The following SBF2 variants were observed in gnomAD, a reference collection of about 807,000 sequenced individuals.
The protein encoded by SBF2 is SET binding factor 2.
In SBF2, 112 loss-of-function variants were observed where a neutral mutation model predicts 225.2. That is an observed-to-expected ratio of 0.50 (90% confidence interval 0.43 to 0.58). SBF2 has a LOEUF of 0.58. SBF2 is among the 20% of genes least tolerant of loss of function. The pLI, the probability that SBF2 is intolerant of heterozygous loss-of-function variation, is 0.00. For missense variants in SBF2, 1,996 were observed against 2,206.2 expected, an observed-to-expected ratio of 0.90 and a Z score of 1.91; for synonymous variants, 763 against 773.3, an observed-to-expected ratio of 0.99 and a Z score of 0.22.
intron 1 of SBF2, among the ~76,000 whole-genome samples, chr11:10,216,291 T>C (rs1958126492): frequency 6.6e-6 from 1 of 152,364 alleles, no homozygotes; most frequent in South Asian, 2.1e-4. Flanking sequence ...ATCTAAATCA[T>C]TTAGAAACTT....
intron 16 of SBF2, among the ~76,000 whole-genome samples, chr11:9,933,449 A>C (rs755643562): frequency 9.2e-5 from 14 of 152,194 alleles, no homozygotes; most frequent in Non-Finnish European, 2.1e-4. Flanking sequence ...CAGAAATCAC[A>C]ACAAACTGTG....
At chr11:9,902,389 GACCT>G (rs1303759601) in intron 16 of SBF2, among the ~76,000 whole-genome samples, 2 of 151,994 alleles carry the variant, frequency 1.3e-5, no homozygotes, top group African/African-American at 2.4e-5. Context: ...ATCCACCTAT[GACCT>G]GTAAGCCACC....
intron 16 of SBF2, among the ~76,000 whole-genome samples, chr11:9,908,270 G>A (rs1364542966): frequency 6.6e-6 from 1 of 152,152 alleles, no homozygotes; most frequent in Non-Finnish European, 1.5e-5. Flanking sequence ...ACAAAATATA[G>A]AGGATGAAGT....
intron 1 of SBF2, among the ~76,000 whole-genome samples, chr11:10,253,118 C>CAAAAAAAAAAAAAAAAAAAAA (rs546522229): frequency 3.9e-5 from 3 of 77,252 alleles, no homozygotes; most frequent in East Asian, 4.0e-4. Context: ...AGGTAAATAC[C>CAAAAAAAAAAAAAAAAAAAAA]AAAAAAAAAA....
At chr11:10,053,770 AT>A (rs1228561241) in intron 2 of SBF2, among the ~76,000 whole-genome samples, 2 of 151,718 alleles carry the variant, frequency 1.3e-5, no homozygotes, top group Admixed American at 6.6e-5. Context: ...AAAAAAAAAA[AT>A]TAACCAAGAG....
intron 2 of SBF2, among the ~76,000 whole-genome samples, chr11:10,129,745 A>G (rs1322293722): frequency 6.6e-6 from 1 of 152,168 alleles, no homozygotes; most frequent in Non-Finnish European, 1.5e-5. Flanking sequence ...ATAAAAAGGC[A>G]GTAATCGTAG....
Position 10,288,056 on chromosome 11 carries a change from C to T in SBF2, c.55+5959G>A, listed in dbSNP as rs545711130. Among the ~76,000 whole-genome samples the T allele has an allele frequency of 5.2e-4, 79 of 152,298 alleles. No individual in the cohort carries two copies. In the South Asian group the frequency reaches 0.016, roughly 30 times the overall value. ...CGGCCGGCACCGGGGAATGTAGTGG[C>T]ACTCAGAAGCTTGAAGATGCCAGGA... On this transcript the variant is annotated intron_variant, in intron 1 of 39. Coordinates refer to ENST00000256190, the MANE Select transcript of SBF2 (RefSeq NM_030962.4).
chr11:9,957,991 T>C (rs1866293341), intron 16 of SBF2: 1 of 151,838 alleles, frequency 6.6e-6, no homozygotes, highest in African/African-American at 2.4e-5. Flanking sequence ...AATCCCTACT[T>C]TTGTAGAAAG....
chr11:9,924,500 C>T (rs1463860660), intron 16 of SBF2, among the ~76,000 whole-genome samples: 1 of 152,020 alleles, frequency 6.6e-6, no homozygotes, highest in Non-Finnish European at 1.5e-5. Context: ...GGCGTGATCT[C>T]CGCTCACGGC....
intron 2 of SBF2, among the ~76,000 whole-genome samples, chr11:10,127,492 C>G (rs1313286419): frequency 6.6e-6 from 1 of 151,984 alleles, no homozygotes; most frequent in Non-Finnish European, 1.5e-5. Context: ...CTCCACAGTC[C>G]ACCTCCCCAT....
chr11:9,798,747 C>A (rs892407527), intron 32 of SBF2, among the ~76,000 whole-genome samples: 1 of 152,098 alleles, frequency 6.6e-6, no homozygotes, highest in Non-Finnish European at 1.5e-5. Flanking sequence ...GAGATTGAGA[C>A]CATCCTGGTT....
upstream of SBF2, among the ~76,000 whole-genome samples, chr11:10,295,551 G>T (rs1444278572): frequency 3.3e-5 from 5 of 151,680 alleles, no homozygotes; most frequent in Non-Finnish European, 7.4e-5. Flanking sequence ...TTGCAAACGT[G>T]GAGGGAAGAT....
intron 1 of SBF2, among the ~76,000 whole-genome samples, chr11:10,273,374 C>G (rs2135542393): frequency 6.6e-6 from 1 of 151,870 alleles, no homozygotes; most frequent in South Asian, 2.1e-4. Context: ...TTCATGCTTA[C>G]TAAGTAATAA....
At chr11:9,929,327 A>G (rs1864306513) in intron 16 of SBF2, 1 of 176,144 alleles carries the variant, frequency 5.7e-6, no homozygotes, top group Admixed American at 6.0e-5. Context: ...ACTCTATGCA[A>G]CAAGGAAACA....
At chr11:10,023,867 C>CT (rs1340522627) in intron 6 of SBF2, among the ~76,000 whole-genome samples, 9 of 151,216 alleles carry the variant, frequency 6.0e-5, no homozygotes, top group Admixed American at 2.0e-4. Context: ...ATATGTTTTT[C>CT]TTTTTTTTTA....
intron 17 of SBF2, among the ~76,000 whole-genome samples, chr11:9,890,511 C>T (rs1860714502): frequency 6.6e-6 from 1 of 152,154 alleles, no homozygotes; most frequent in South Asian, 2.1e-4. Flanking sequence ...CTAACTCAAT[C>T]AATAAAACTT....
chr11:9,985,427 A>T (rs1270830898), intron 13 of SBF2, among the ~76,000 whole-genome samples: 1 of 151,980 alleles, frequency 6.6e-6, no homozygotes, highest in Non-Finnish European at 1.5e-5. Context: ...GGTTCAAGTG[A>T]TTTTCCTGCC....
Position 10,294,085 on chromosome 11 carries a change from G to A in SBF2, c.-16C>T, listed in dbSNP as rs1024513989. ...GCCGGGCCATGGCCGCCGCCGCCGC[G>A]CTCGGGAAGCGGGTCCCCGTCGCCG... On this transcript the variant is annotated 5_prime_UTR_variant, in exon 1 of 40. Transcript: ENST00000256190. 1.0e-5 allele frequency: 14 copies of A among 1,356,806 alleles called. No individual in the cohort carries two copies. In the Admixed American group the frequency reaches 2.1e-4, roughly 21 times the overall value. 84.0% of individuals were successfully genotyped at this position (1,356,806 alleles called of 1,614,324 possible). A position where few individuals can be genotyped will look rare whatever the true frequency, so the allele number is the denominator to read the frequency against.
chr11:9,800,777 G>A (rs1853447761), intron 32 of SBF2, among the ~76,000 whole-genome samples: 2 of 152,028 alleles, frequency 1.3e-5, no homozygotes, highest in African/African-American at 4.8e-5. Flanking sequence ...TTGAACTCCT[G>A]GGCTCAAGTG....
Sources: gnomAD v4.1 joint callset for allele counts (sites outside exome capture counted in the v4.1 genomes callset) on GRCh38, gnomAD v4.1.1 for gene constraint, MANE v1.5 for transcripts, NCBI Gene and HGNC (gene_info 2026-07-23, HGNC 2026-07-21) for gene names.